MICAL2: variants seen among roughly 807,000 people sequenced by gnomAD.
The protein encoded by MICAL2 is microtubule associated monooxygenase, calponin and LIM domain containing 2.
MICAL2 carries 77 observed loss-of-function variants against 127.3 expected under a neutral mutation model. That is an observed-to-expected ratio of 0.60 (90% CI 0.50 to 0.73). MICAL2 has a LOEUF of 0.73. MICAL2 is among the 30% of genes least tolerant of loss of function. MICAL2 has a pLI of 0.00. For missense variants in MICAL2, 1,351 were observed against 1,434.4 expected, an observed-to-expected ratio of 0.94 and a Z score of 0.94; for synonymous variants, 570 against 551.1, an observed-to-expected ratio of 1.03 and a Z score of -0.48.
At chr11:12,257,910 C>T (rs1862543863) in intron 24 of MICAL2, among the ~76,000 whole-genome samples, 1 of 152,204 alleles carries the variant, frequency 6.6e-6, no homozygotes. Context: ...GTCTTTTCCT[C>T]CCCATCACTG....
At chr11:12,343,344 G>C (rs1053010483) in intron 32 of MICAL2, among the ~76,000 whole-genome samples, 8 of 145,188 alleles carry the variant, frequency 5.5e-5, no homozygotes, top group African/African-American at 1.8e-4. Flanking sequence ...GGAGGCAGAG[G>C]TTGCAGTAAG....
intron 15 of MICAL2, among the ~76,000 whole-genome samples, chr11:12,227,853 A>T (rs766369831): frequency 1.5e-4 from 23 of 152,384 alleles, no homozygotes; most frequent in Admixed American, 1.0e-3. Flanking sequence ...TCTGACAGAC[A>T]TGATAGTGTT....
chr11:12,267,721 CCACCCGAGTAGCTGAGACTACAGG>C (rs1863625670), downstream of MICAL2, among the ~76,000 whole-genome samples: 3 of 152,208 alleles, frequency 2.0e-5, no homozygotes, highest in African/African-American at 7.2e-5. Flanking sequence ...TATGCCTCAG[CCACCCGAGTAGCTGAGACTACAGG>C]CACCCGCCAC....
chr11:12,240,050 T>C (rs1021256440), intron 17 of MICAL2, among the ~76,000 whole-genome samples: 48 of 152,326 alleles, frequency 3.2e-4, no homozygotes, highest in African/African-American at 1.1e-3. Flanking sequence ...GCTGGGAAAG[T>C]ACAAAGTCCA....
intron 2 of MICAL2, among the ~76,000 whole-genome samples, chr11:12,284,041 T>C (rs1269396131): frequency 3.9e-5 from 6 of 152,208 alleles, no homozygotes; most frequent in Non-Finnish European, 7.3e-5. Context: ...TTCTACACTT[T>C]GGGAGTTTCA....
chr11:12,284,755 G>A (rs932584777), intron 2 of MICAL2, among the ~76,000 whole-genome samples: 1 of 152,144 alleles, frequency 6.6e-6, no homozygotes, highest in Non-Finnish European at 1.5e-5. Context: ...ATTGGGGGGT[G>A]GGCTATTCAT....
downstream of MICAL2, among the ~76,000 whole-genome samples, chr11:12,266,177 G>GA (rs112660237): frequency 7.2e-5 from 11 of 152,098 alleles, no homozygotes; most frequent in African/African-American, 2.6e-4. Context: ...AAAACTGTAA[G>GA]AAAAAAATAT....
intron 29 of MICAL2, among the ~76,000 whole-genome samples, chr11:12,304,636 A>C (rs1377523349): frequency 8.3e-6 from 1 of 120,918 alleles, no homozygotes; most frequent in African/African-American, 3.1e-5. Flanking sequence ...ACTCTGTCTC[A>C]AACACACACA....
chr11:12,345,554 T>G (rs1938941349), intron 32 of MICAL2, among the ~76,000 whole-genome samples: 2 of 152,216 alleles, frequency 1.3e-5, no homozygotes, highest in African/African-American at 2.4e-5. Flanking sequence ...ATGTGTCAGC[T>G]GGATAAAATA....
downstream of MICAL2, chr11:12,287,347 T>C (rs1863838153): frequency 2.6e-6 from 1 of 381,004 alleles, no homozygotes; most frequent in South Asian, 1.5e-4. Flanking sequence ...AGGGAGCCTT[T>C]TCCAAGGGAC....
rs576374632 is a variant in MICAL2, at chr11:12,262,070, G to A, written c.3335-410G>A. On this transcript the variant is annotated intron_variant, in intron 26 of 27. Transcript: ENST00000683283. Reference sequence around the variant, plus strand: ...TTGAATTACTGTGGCGAGACAGGGCGTGCCTGTCAGAAATCTGAGATGTTT... The same window carrying A: ...TTGAATTACTGTGGCGAGACAGGGCATGCCTGTCAGAAATCTGAGATGTTT... 73 of 1,081,366 alleles carry A rather than the reference G, an allele frequency of 6.8e-5. 1 individual carries two copies. The South Asian group carries it at 1.4e-3, about 21-fold the overall frequency. The allele number at this position is 1,081,366 out of a possible 1,614,324, so 67.0% of individuals were successfully genotyped here.
intron 29 of MICAL2, among the ~76,000 whole-genome samples, chr11:12,300,159 G>A (rs1864031198): frequency 6.6e-6 from 1 of 152,104 alleles, no homozygotes; most frequent in African/African-American, 2.4e-5. Flanking sequence ...TCTGGGCATG[G>A]TGGCAGGTGC....
In MICAL2 at chr11:12,249,209, A is replaced by G. The variant is rs1040405447; in HGVS notation, c.2810A>G (p.His937Arg). The G allele has an allele frequency of 3.1e-6, 5 of 1,612,806 alleles. No homozygotes were observed. The African/African-American group carries it at 5.3e-5, about 17-fold the overall frequency. ...RKEKKSPSGF[H>R]FHPSHLRTVH... ...GAAAAGAAGTCACCTTCAGGGTTCCATTTTCATCCCAGCCATTTGAGAACA... is the reference window on the plus strand; with the variant it reads ...GAAAAGAAGTCACCTTCAGGGTTCCGTTTTCATCCCAGCCATTTGAGAACA... The change falls in exon 22 of 28, where the codon CAT becomes CGT. Residue 937 changes from histidine to arginine, a missense_variant. Around this residue, in one of 2 missense-constraint regions of MICAL2, gnomAD observed 752 missense variants for 719.4 expected, o/e 1.05. Transcript: ENST00000683283.
chr11:12,213,418 C>A lies in MICAL2; in HGVS notation c.847+8C>A. The A allele has an allele frequency of 6.2e-7, 1 of 1,611,036 alleles. No homozygotes were observed. Among genetic ancestry groups the A allele is most frequent in the Non-Finnish European group, 8.5e-7 (1 of 1,178,276 alleles). ...ACCTTAAAGAAGAAACAGGTGGGACCTTCACCTTTCTCCCAACCAGGCCAA... is the reference window on the plus strand; with the variant it reads ...ACCTTAAAGAAGAAACAGGTGGGACATTCACCTTTCTCCCAACCAGGCCAA... On this transcript the variant is annotated splice_region_variant and intron_variant, in intron 7 of 27. Transcript: ENST00000683283.
intron 2 of MICAL2, among the ~76,000 whole-genome samples, chr11:12,286,304 T>G (rs1306785458): frequency 6.6e-6 from 1 of 152,150 alleles, no homozygotes; most frequent in African/African-American, 2.4e-5. Flanking sequence ...GAGTAGAACT[T>G]CCTGCAGCTT....
At chr11:12,291,480 T>C (rs1230552769), downstream of MICAL2, among the ~76,000 whole-genome samples, 2 of 152,180 alleles carry the variant, frequency 1.3e-5, no homozygotes, top group Admixed American at 1.3e-4. Flanking sequence ...CTCAGGGCCC[T>C]GCCCCACTCC....
In MICAL2 at chr11:12,127,640, A is replaced by G. The variant is rs144880885; in HGVS notation, c.-148-10750A>G. ...CTTTGGGAGCACAGGGAAGGAGGCA[A>G]GGCCAGATCCTACTGGGATCTTGAG... On this transcript the variant is annotated intron_variant, in intron 1 of 27. Transcript: ENST00000683283. 3.8e-3 allele frequency among the ~76,000 whole-genome samples: 572 copies of G among 152,314 alleles called. 2 individuals are homozygous for G. The highest frequency in any genetic ancestry group is 0.013 in the African/African-American group (555 of 41,574).
chr11:12,323,511 G>C (rs1315917330), intron 30 of MICAL2, among the ~76,000 whole-genome samples: 1 of 151,670 alleles, frequency 6.6e-6, no homozygotes, highest in African/African-American at 2.4e-5. Context: ...CTCATCCCTG[G>C]GCCATATCGT....
At chr11:12,168,145 T>TACACACACACACACAC (rs3044619) in intron 3 of MICAL2, among the ~76,000 whole-genome samples, 2,375 of 146,220 alleles carry the variant, frequency 0.016, 45 homozygotes, top group African/African-American at 0.042. Flanking sequence ...CTACAGCAAA[T>TACACACACACACACAC]ACACACACAC....
Sources: allele counts gnomAD v4.1 joint callset (sites outside exome capture counted in the v4.1 genomes callset), GRCh38; gene constraint gnomAD v4.1.1; regional missense constraint gnomAD v4.1.1; transcripts MANE v1.5; gene names NCBI Gene and HGNC (gene_info 2026-07-23, HGNC 2026-07-21).